Variants in NAALADL2 observed in about 807,000 individuals in gnomAD.
NAALADL2 encodes the protein N-acetylated alpha-linked acidic dipeptidase like 2.
In NAALADL2, 76 loss-of-function variants were observed where a neutral mutation model predicts 87.2. The ratio of observed to expected loss-of-function variants is 0.87; its 90% CI spans 0.72 to 1.05. The LOEUF is 1.05. NAALADL2 is among the 50% of genes least tolerant of loss of function. The pLI is 0.00. For missense variants in NAALADL2, 1,089 were observed against 945.8 expected, an observed-to-expected ratio of 1.15 and a Z score of -1.99; for synonymous variants, 354 against 331.0, an observed-to-expected ratio of 1.07 and a Z score of -0.75.
At chr3:175,271,218 T>A (rs1475079211) in intron 4 of NAALADL2, 1 of 152,172 alleles carries the variant, frequency 6.6e-6, no homozygotes, top group Non-Finnish European at 1.5e-5. Flanking sequence ...GAAAAAGATA[T>A]ACAAAAGTGG....
chr3:175,478,758 A>T (rs1331775342), intron 9 of NAALADL2, among the ~76,000 whole-genome samples: 1 of 151,908 alleles, frequency 6.6e-6, no homozygotes, highest in Non-Finnish European at 1.5e-5. Flanking sequence ...TTTACTCAGG[A>T]CAGGTATTAG....
rs1724055822 is a variant in NAALADL2, at chr3:174,648,733, C to T, written c.-114-88908C>T. ...TACTTGATGCCACAAAGAGCTTTCA[C>T]ACTCTACTTTTATTGAAAGATGTAC... On this transcript the variant is annotated intron_variant, in intron 2 of 3. Transcript: ENST00000434257. Among the ~76,000 whole-genome samples the T allele has an allele frequency of 3.3e-5, 5 of 152,092 alleles. No homozygotes were observed. The South Asian group carries it at 1.0e-3, about 31-fold the overall frequency.
chr3:174,572,662 G>A (rs182151109), intron 2 of NAALADL2, among the ~76,000 whole-genome samples: 1 of 152,168 alleles, frequency 6.6e-6, no homozygotes, highest in Admixed American at 6.5e-5. Flanking sequence ...CAATCTTGAA[G>A]GACTCAAGAT....
intron 2 of NAALADL2, among the ~76,000 whole-genome samples, chr3:175,131,450 A>C (rs1177868218): frequency 6.6e-6 from 1 of 152,138 alleles, no homozygotes; most frequent in Non-Finnish European, 1.5e-5. Context: ...CACATGTTTC[A>C]GAGAGCACGG....
At chr3:174,768,145 T>C (rs533495967) in intron 3 of NAALADL2, among the ~76,000 whole-genome samples, 7 of 152,216 alleles carry the variant, frequency 4.6e-5, no homozygotes, top group Non-Finnish European at 8.8e-5. Context: ...TTATAACTTA[T>C]TTACTTTAGT....
intron 2 of NAALADL2, among the ~76,000 whole-genome samples, chr3:174,722,398 A>G (rs1731788055): frequency 6.6e-6 from 1 of 152,176 alleles, no homozygotes; most frequent in South Asian, 2.1e-4. Context: ...GCTTAAATAA[A>G]GAGTGATTAA....
chr3:175,799,854 T>A (rs1398077958), intron 13 of NAALADL2, among the ~76,000 whole-genome samples: 1 of 152,182 alleles, frequency 6.6e-6, no homozygotes, highest in East Asian at 1.9e-4. Context: ...TTCGCATGGT[T>A]GATATGGCTT....
chr3:174,885,894 T>TAGA, intron 1 of NAALADL2, among the ~76,000 whole-genome samples: 1 of 28,404 alleles, frequency 3.5e-5, no homozygotes, highest in Non-Finnish European at 6.5e-5. Context: ...TTTTTTTTTT[T>TAGA]TTTTTTTTTT....
chr3:174,969,199 C>T (rs918641605), intron 1 of NAALADL2, among the ~76,000 whole-genome samples: 1 of 152,052 alleles, frequency 6.6e-6, no homozygotes, highest in East Asian at 1.9e-4. Flanking sequence ...ACCTAGTTCT[C>T]CCATCCAGGA....
chr3:174,878,494 T>G (rs988333265), intron 1 of NAALADL2, among the ~76,000 whole-genome samples: 1 of 152,116 alleles, frequency 6.6e-6, no homozygotes, highest in African/African-American at 2.4e-5. Context: ...TGTTTTGGAT[T>G]TGGCTTTTAA....
intron 2 of NAALADL2, among the ~76,000 whole-genome samples, chr3:174,573,906 C>T (rs1252442528): frequency 2.6e-5 from 4 of 152,066 alleles, no homozygotes; most frequent in Non-Finnish European, 4.4e-5. Flanking sequence ...ATAGCACCCG[C>T]CATAGCTAAT....
intron 1 of NAALADL2, among the ~76,000 whole-genome samples, chr3:174,916,088 G>A (rs9876043): frequency 0.37 from 56,507 of 151,934 alleles, 11,365 homozygotes; most frequent in African/African-American, 0.53. Flanking sequence ...TTAAAAGAAG[G>A]TATACAAACA....
chr3:175,170,248 C>T (rs1472069106), intron 2 of NAALADL2, among the ~76,000 whole-genome samples: 3 of 151,322 alleles, frequency 2.0e-5, no homozygotes, highest in African/African-American at 7.3e-5. Context: ...ATTTCTGCTT[C>T]ATTACATGAA....
intron 13 of NAALADL2, among the ~76,000 whole-genome samples, chr3:175,757,865 G>A (rs73881374): frequency 1.1e-3 from 174 of 152,044 alleles, no homozygotes; most frequent in African/African-American, 3.9e-3. Flanking sequence ...AAGTCATAAA[G>A]TAGATAACTT....
At chr3:175,319,734 G>A (rs1223567680) in intron 4 of NAALADL2, among the ~76,000 whole-genome samples, 1 of 152,124 alleles carries the variant, frequency 6.6e-6, no homozygotes, top group Non-Finnish European at 1.5e-5. Context: ...GCAGGAGAAT[G>A]GCTTGAACCT....
intron 1 of NAALADL2, chr3:175,059,840 T>G (rs897400094): frequency 3.2e-6 from 1 of 316,054 alleles, no homozygotes; most frequent in African/African-American, 2.3e-5. Flanking sequence ...GGCCTTTTCT[T>G]TTCATGAGAA....
intron 2 of NAALADL2, among the ~76,000 whole-genome samples, chr3:175,183,808 G>A (rs1347022411): frequency 6.6e-6 from 1 of 152,028 alleles, no homozygotes; most frequent in African/African-American, 2.4e-5. Flanking sequence ...AAGCTAAGAA[G>A]CTTCCTATTT....
chr3:174,693,344 G>A (rs137926509), intron 2 of NAALADL2, among the ~76,000 whole-genome samples: 1 of 152,154 alleles, frequency 6.6e-6, no homozygotes, highest in Admixed American at 6.5e-5. Flanking sequence ...ATAGGGTGTT[G>A]CATCTTTCCT....
At position 175,206,389 on chromosome 3, in the gene NAALADL2, A is replaced by G. The variant is rs181798936; in HGVS notation, c.546-27542A>G. 5.0e-4 allele frequency among the ~76,000 whole-genome samples: 76 copies of G among 150,768 alleles called. No individual in the cohort carries two copies. The East Asian group carries it at 0.015, about 29-fold the overall frequency. On this transcript the variant is annotated intron_variant, in intron 2 of 13. Coordinates refer to ENST00000454872, the MANE Select transcript of NAALADL2 (RefSeq NM_207015.3). ...GATGGAATACTATTCAGCCATAAAA[A>G]TGAATGAATTAACAGCATTTGCAGC...
Sources: gnomAD v4.1 joint callset for allele counts (sites outside exome capture counted in the v4.1 genomes callset) on GRCh38, gnomAD v4.1.1 for gene constraint, MANE v1.5 for transcripts, NCBI Gene and HGNC (gene_info 2026-07-23, HGNC 2026-07-21) for gene names.